Variants in DBNDD2 observed in about 807,000 individuals in gnomAD.
DBNDD2 encodes the protein dysbindin domain-containing protein 2.
DBNDD2 carries 8 observed loss-of-function variants against 14.0 expected under a neutral mutation model. That is an observed-to-expected ratio of 0.57 (90% CI 0.33 to 1.03). The LOEUF is 1.03. Among genes scored for constraint, DBNDD2 ranks in the 50% least tolerant of loss-of-function variants. The pLI is 0.03. For missense variants in DBNDD2, 194 were observed against 206.0 expected (o/e 0.94, Z 0.36); for synonymous variants, 94 against 85.3 (o/e 1.10, Z -0.56).
At chr20:45,408,165 G>A, upstream of DBNDD2, 1 of 1,546,568 alleles carries the variant, frequency 6.5e-7, no homozygotes. Flanking sequence ...GCATGATATG[G>A]AGAGTTGGGC....
At chr20:45,408,724 T>G (rs1304372070) in intron 1 of DBNDD2, 77 bp from the exon 2 acceptor site, 3 of 1,582,754 alleles carry the variant, frequency 1.9e-6, no homozygotes, top group Non-Finnish European at 2.6e-6. Flanking sequence ...GCTTCTAACT[T>G]GGGACCTGAC....
chr20:45,406,718 G>GCCCC, upstream of DBNDD2: 1 of 1,293,384 alleles, frequency 7.7e-7, no homozygotes. Flanking sequence ...GTCAGAGGGG[G>GCCCC]CGCCAGCGCT....
In DBNDD2 at chr20:45,408,387, G is replaced by C. The variant is rs767159514; in HGVS notation, c.-81G>C. The stretch of plus-strand genomic sequence containing the variant: ...GTTGGGATGCTGGCTGCAGTGGGGC[G>C]CCCCAAGCCCAGGTCCCCTCTGTCT... On this transcript the variant is annotated 5_prime_UTR_variant, in exon 1 of 3. Coordinates refer to ENST00000372710, the MANE Select transcript of DBNDD2 (RefSeq NM_001048225.4). The C allele has an allele frequency of 1.2e-6, 2 of 1,613,360 alleles. No individual in the cohort carries two copies. The highest frequency in any genetic ancestry group is 1.7e-6 in the Non-Finnish European group (2 of 1,179,910).
At chr20:45,407,302 C>A (rs1475545892), upstream of DBNDD2, 1 of 985,974 alleles carries the variant, frequency 1.0e-6, no homozygotes, top group Admixed American at 6.1e-5. Flanking sequence ...CGCACGGTCT[C>A]CCCAGACTTC....
At chr20:45,406,319 C>A, upstream of DBNDD2, 3 of 789,886 alleles carry the variant, frequency 3.8e-6, no homozygotes, top group Non-Finnish European at 5.8e-6. Context: ...GTGGGCAGAA[C>A]CGGCGCGGGC....
In DBNDD2 at chr20:45,410,390, G is replaced by A. The variant is rs1325521848; in HGVS notation, c.*250G>A. On this transcript the variant is annotated 3_prime_UTR_variant, in exon 3 of 3. Coordinates refer to ENST00000372710, the MANE Select transcript of DBNDD2 (RefSeq NM_001048225.4). Reference sequence around the variant, plus strand: ...GATATGATTTGCAAATGAGGAGAGAGAAGATGAGGTTGGACAAGATGCCAC... The same window carrying A: ...GATATGATTTGCAAATGAGGAGAGAAAAGATGAGGTTGGACAAGATGCCAC... 24 of 512,774 alleles carry A rather than the reference G, an allele frequency of 4.7e-5. No homozygotes were observed. The Admixed American group carries it at 7.7e-4, about 17-fold the overall frequency. 31.8% of individuals were successfully genotyped at this position (512,774 alleles called of 1,614,324 possible). A position where few individuals can be genotyped will look rare whatever the true frequency, so the allele number is the denominator to read the frequency against.
At chr20:45,406,152 C>T (rs1034437687), upstream of DBNDD2, 1 of 375,662 alleles carries the variant, frequency 2.7e-6, no homozygotes, top group African/African-American at 2.2e-5. Context: ...GCCCTGCCCC[C>T]TCCTGCGGGT....
At position 45,409,907 on chromosome 20, in the gene DBNDD2, C is replaced by T. The variant is rs1407169411; in HGVS notation, c.278-25C>T. ...AGTTCTCTGAAGCCCTGTTTGTGGC[C>T]TGACCAGCTTTTCTCTCTGGGCAGG... On this transcript the variant is annotated intron_variant, in intron 2 of 2. Coordinates refer to ENST00000372710, the MANE Select transcript of DBNDD2 (RefSeq NM_001048225.4). 2.6e-6 allele frequency: 4 copies of T among 1,551,056 alleles called. No homozygotes were observed. In the African/African-American group the frequency reaches 5.5e-5, roughly 21 times the overall value.
chr20:45,408,260 G>A (rs748128610), upstream of DBNDD2: 5 of 1,552,242 alleles, frequency 3.2e-6, no homozygotes, highest in South Asian at 3.5e-5. Flanking sequence ...GGCAAGCCCC[G>A]CCTCTGCATG....
chr20:45,410,201 C>A lies in DBNDD2; in HGVS notation c.*61C>A. 1 of 1,529,452 alleles carries A rather than the reference C, an allele frequency of 6.5e-7. No homozygotes were observed. Among genetic ancestry groups the A allele is most frequent in the Non-Finnish European group, 8.9e-7 (1 of 1,129,748 alleles). The allele number at this position is 1,529,452 out of a possible 1,614,324, so 94.7% of individuals were successfully genotyped here. ...TATTCTCCACATGAGACCACAGGCC[C>A]AGCCAGAGCCTGTCGGGAGAAGACC... On this transcript the variant is annotated 3_prime_UTR_variant, in exon 3 of 3. Transcript: ENST00000372710.
Position 45,408,955 on chromosome 20 carries a change from T to C in DBNDD2, c.277+17T>C. The C allele has an allele frequency of 6.2e-7, 1 of 1,614,178 alleles. No individual in the cohort carries two copies. The highest frequency in any genetic ancestry group is 8.5e-7 in the Non-Finnish European group (1 of 1,180,042). On this transcript the variant is annotated intron_variant, in intron 2 of 2. Coordinates refer to ENST00000372710, the MANE Select transcript of DBNDD2 (RefSeq NM_001048225.4). ...AGTCGTCTGGTATGCCCCTCTGCTT[T>C]GGGGACTTCAGTGCCAGTCAGCCAG...
rs1208658173 is a variant in DBNDD2, at chr20:45,410,057, G to A, written c.403G>A (p.Asp135Asn). 6.4e-7 allele frequency: 1 copy of A among 1,554,432 alleles called. No homozygotes were observed. The highest frequency in any genetic ancestry group is 8.7e-7 in the Non-Finnish European group (1 of 1,148,294). Residue 135 changes from aspartate to asparagine, a missense_variant, in exon 3 of 3, where the codon GAT becomes AAT. Physicochemically the swap from Asp to Asn is conservative, Grantham distance 23 (BLOSUM62 1). Transcript: ENST00000372710. ...TNLHSPNPSD[D>N]GADTPLAQSD... ...CCTGCATAGCCCAAATCCAAGTGATGATGGAGCAGATACGCCCTTGGCACA... is the reference window on the plus strand; with the variant it reads ...CCTGCATAGCCCAAATCCAAGTGATAATGGAGCAGATACGCCCTTGGCACA...
Position 45,408,949 on chromosome 20 carries a change from C to A in DBNDD2, c.277+11C>A. On this transcript the variant is annotated intron_variant, in intron 2 of 2. Coordinates refer to ENST00000372710, the MANE Select transcript of DBNDD2 (RefSeq NM_001048225.4). ...CCCCCCAGTCGTCTGGTATGCCCCT[C>A]TGCTTTGGGGACTTCAGTGCCAGTC... The A allele has an allele frequency of 6.2e-7, 1 of 1,614,200 alleles. No individual in the cohort carries two copies.
In DBNDD2 at chr20:45,409,935, T is replaced by C. The variant is rs765712045; in HGVS notation, c.281T>C (p.Met94Thr). ...DPPPTPQSSGMDNHLEELSLP... is the reference protein window; with the variant it reads ...DPPPTPQSSGTDNHLEELSLP... Reference sequence around the variant, plus strand: ...ACCAGCTTTTCTCTCTGGGCAGGGATGGACAACCATTTGGAGGAGCTGAGC... The same window carrying C: ...ACCAGCTTTTCTCTCTGGGCAGGGACGGACAACCATTTGGAGGAGCTGAGC... Residue 94 changes from methionine to threonine, a missense_variant, in exon 3 of 3, where the codon ATG becomes ACG. Coordinates refer to ENST00000372710, the MANE Select transcript of DBNDD2 (RefSeq NM_001048225.4). 1.8e-5 allele frequency: 28 copies of C among 1,551,604 alleles called. No homozygotes were observed. The African/African-American group carries it at 2.5e-4, about 14-fold the overall frequency.
chr20:45,407,910 GT>G (rs1192635618), upstream of DBNDD2: 231 of 1,316,266 alleles, frequency 1.8e-4, 1 homozygote, highest in East Asian at 4.6e-3. Context: ...GCACATGCGT[GT>G]GTACGTGTTT....
chr20:45,407,071 A>C (rs569818366), upstream of DBNDD2: 123 of 168,784 alleles, frequency 7.3e-4, no homozygotes, highest in African/African-American at 2.8e-3. Flanking sequence ...CAGTCTCGTG[A>C]GATCGGTGGG....
chr20:45,407,665 G>A, upstream of DBNDD2: 1 of 991,106 alleles, frequency 1.0e-6, no homozygotes, highest in Non-Finnish European at 1.2e-6. Flanking sequence ...GGGGAGATAA[G>A]TCAGTGAGAT....
At chr20:45,406,543 T>C (rs1989397506), upstream of DBNDD2, 2 of 1,515,856 alleles carry the variant, frequency 1.3e-6, no homozygotes, top group South Asian at 2.4e-5. Flanking sequence ...TGCGAGCGAG[T>C]GAGCCCGCCA....
chr20:45,406,676 C>G, upstream of DBNDD2: 3 of 1,337,114 alleles, frequency 2.2e-6, no homozygotes, highest in Non-Finnish European at 2.9e-6. Flanking sequence ...TCCCACGCCC[C>G]CGCCGCGGCC....
Sources: allele counts gnomAD v4.1 joint callset, GRCh38; gene constraint gnomAD v4.1.1; transcripts MANE v1.5; gene names NCBI Gene and HGNC (gene_info 2026-07-23, HGNC 2026-07-21).